DPY19L3: variants seen among roughly 807,000 people sequenced by gnomAD.
The protein encoded by DPY19L3 is protein C-mannosyl-transferase DPY19L3.
Under a neutral mutation model 92.3 loss-of-function variants are expected in DPY19L3, and 51 were observed. The ratio of observed to expected loss-of-function variants is 0.55; its 90% confidence interval spans 0.44 to 0.70. DPY19L3 has a LOEUF of 0.70. DPY19L3 is among the 30% of genes least tolerant of loss of function. DPY19L3 has a pLI of 0.00. For synonymous variants in DPY19L3, 309 were observed against 315.2 expected (o/e 0.98, Z 0.21); for missense variants, 706 against 855.9 (o/e 0.82, Z 2.18).
chr19:32,419,990 A>C lies in DPY19L3; in HGVS notation c.237+8618A>C, dbSNP rs573108300. On this transcript the variant is annotated intron_variant, in intron 3 of 18. Transcript: ENST00000392250. ...TTCTCCTGCCTCAGCCTCCCGAGTAACTGGGATTACAGGCAGGCACCACCA... is the reference window on the plus strand; with the variant it reads ...TTCTCCTGCCTCAGCCTCCCGAGTACCTGGGATTACAGGCAGGCACCACCA... 9.3e-5 allele frequency among the ~76,000 whole-genome samples: 14 copies of C among 150,362 alleles called. 1 individual carries two copies. Among genetic ancestry groups the C allele is most frequent in the Admixed American group, 9.3e-4 (14 of 15,106 alleles).
chr19:32,471,343 C>T (rs991642306), intron 16 of DPY19L3, among the ~76,000 whole-genome samples: 7 of 152,202 alleles, frequency 4.6e-5, no homozygotes, highest in Non-Finnish European at 7.3e-5. Context: ...CCCAGACAGT[C>T]AAAGCAGACA....
chr19:32,415,641 T>G (rs1394105732), intron 3 of DPY19L3, among the ~76,000 whole-genome samples: 1 of 152,184 alleles, frequency 6.6e-6, no homozygotes, highest in African/African-American at 2.4e-5. Flanking sequence ...GAAAATGGAT[T>G]TGGGGAGAGC....
intron 16 of DPY19L3, among the ~76,000 whole-genome samples, chr19:32,473,638 C>T (rs554177628): frequency 6.6e-6 from 1 of 152,216 alleles, no homozygotes; most frequent in Admixed American, 6.5e-5. Context: ...GTAGCTTTTC[C>T]TTTGGCATTT....
At chr19:32,482,052 T>C (rs1970688325) in intron 18 of DPY19L3, 27 bp from the exon 19 acceptor site, 4 of 1,599,968 alleles carry the variant, frequency 2.5e-6, no homozygotes, top group Non-Finnish European at 2.6e-6. Context: ...TCCCCCCAAA[T>C]TGTATTTGGG....
At chr19:32,475,710 T>A (rs1475844754) in intron 16 of DPY19L3, among the ~76,000 whole-genome samples, 1 of 152,248 alleles carries the variant, frequency 6.6e-6, no homozygotes, top group Non-Finnish European at 1.5e-5. Context: ...AGGAATTCTG[T>A]GCACCTTCAC....
At chr19:32,442,705 G>A (rs1438214529) in intron 8 of DPY19L3, among the ~76,000 whole-genome samples, 2 of 152,146 alleles carry the variant, frequency 1.3e-5, no homozygotes, top group African/African-American at 2.4e-5. Flanking sequence ...TCTAGCAAAA[G>A]GACCAGAAGA....
intron 1 of DPY19L3, among the ~76,000 whole-genome samples, chr19:32,407,264 T>TCCCCCCCCCCCCCCTACC (rs148363125): frequency 1.2e-5 from 1 of 81,320 alleles, no homozygotes; most frequent in African/African-American, 5.2e-5. Context: ...AGGCTCCTGC[T>TCCCCCCCCCCCCCCTACC]CCCCCCCACC....
Position 32,456,483 on chromosome 19 carries a change from CTGGAGT to C in DPY19L3, c.1089+1444_1089+1449del, listed in dbSNP as rs1304530456. Among the ~76,000 whole-genome samples the C allele has an allele frequency of 2.6e-5, 4 of 151,722 alleles. No homozygotes were observed. In the East Asian group the frequency reaches 5.8e-4, roughly 22 times the overall value. The stretch of plus-strand genomic sequence containing the variant: ...ACAGGATCTCACTGTGCCACCCAGG[CTGGAGT>C]ACAGTGGCACGATCTTGGCTCACGG... On this transcript the variant is annotated intron_variant, in intron 10 of 18. Coordinates refer to ENST00000392250, the MANE Select transcript of DPY19L3 (RefSeq NM_001172774.2).
intron 12 of DPY19L3, among the ~76,000 whole-genome samples, chr19:32,461,468 CTGTT>C (rs981586100): frequency 6.6e-6 from 1 of 152,158 alleles, no homozygotes; most frequent in African/African-American, 2.4e-5. Context: ...CTCCCCTTGT[CTGTT>C]TTATTTTTAT....
chr19:32,464,799 C>G lies in DPY19L3; in HGVS notation c.1614+15C>G, dbSNP rs1257682877. The G allele has an allele frequency of 6.7e-7, 1 of 1,486,042 alleles. No homozygotes were observed. The highest frequency in any genetic ancestry group is 9.1e-7 in the Non-Finnish European group (1 of 1,100,388). The allele number at this position is 1,486,042 out of a possible 1,614,324, so 92.1% of individuals were successfully genotyped here. On this transcript the variant is annotated intron_variant, in intron 15 of 18. Coordinates refer to ENST00000392250, the MANE Select transcript of DPY19L3 (RefSeq NM_001172774.2). ...TATGCTATAAGGTAAGACTGATTTT[C>G]CTCATTCTTGTCATTCATGTATTTA...
intron 3 of DPY19L3, among the ~76,000 whole-genome samples, chr19:32,421,784 C>T (rs947329848): frequency 3.9e-5 from 6 of 152,082 alleles, no homozygotes; most frequent in African/African-American, 1.4e-4. Context: ...GCAGTAGTGG[C>T]AGCCGCTATC....
chr19:32,482,527 C>G lies in DPY19L3; in HGVS notation c.*287C>G, dbSNP rs927314863. The G allele has an allele frequency of 3.5e-6, 1 of 287,180 alleles. No individual in the cohort carries two copies. Among genetic ancestry groups the G allele is most frequent in the African/African-American group, 2.2e-5 (1 of 45,204 alleles). 17.8% of individuals were successfully genotyped at this position (287,180 alleles called of 1,614,324 possible). A position where few individuals can be genotyped will look rare whatever the true frequency, so the allele number is the denominator to read the frequency against. On this transcript the variant is annotated 3_prime_UTR_variant, in exon 19 of 19. Transcript: ENST00000392250. ...GTTGTTGGAGAGAATGATGTGTGTTCCATGGATACCTGGATAGGCACATAA... is the reference window on the plus strand; with the variant it reads ...GTTGTTGGAGAGAATGATGTGTGTTGCATGGATACCTGGATAGGCACATAA...
chr19:32,432,974 T>C (rs1969019430), intron 4 of DPY19L3, among the ~76,000 whole-genome samples, 168 bp downstream of exon 4: 1 of 152,216 alleles, frequency 6.6e-6, no homozygotes, highest in Non-Finnish European at 1.5e-5. Context: ...GAAGAAGTTA[T>C]GTAATACTTT....
In DPY19L3 at chr19:32,410,804, AG is replaced by A. The variant is rs148110710; in HGVS notation, c.104-433del. On this transcript the variant is annotated intron_variant, in intron 2 of 18. Coordinates refer to ENST00000392250, the MANE Select transcript of DPY19L3 (RefSeq NM_001172774.2). ...TCTCAAAAAACAATAATTATTTTTT[AG>A]GTAATCAAGTTTTTAAAATAGCTTT... 4.3e-3 allele frequency among the ~76,000 whole-genome samples: 654 copies of A among 152,342 alleles called. 28 individuals carry two copies. The East Asian group carries it at 0.1, about 24-fold the overall frequency.
chr19:32,460,725 A>G (rs1264294200), intron 12 of DPY19L3, among the ~76,000 whole-genome samples: 1 of 152,152 alleles, frequency 6.6e-6, no homozygotes, highest in Admixed American at 6.5e-5. Context: ...TGTTGGCCAA[A>G]ATGTTATGTG....
At chr19:32,477,470 T>A in intron 16 of DPY19L3, 52 bp from the exon 17 acceptor site, 3 of 1,605,770 alleles carry the variant, frequency 1.9e-6, no homozygotes, top group Non-Finnish European at 1.7e-6. Context: ...TTCTTTGTTG[T>A]CTTTAAGGAT....
In DPY19L3 at chr19:32,468,734, T is replaced by G; in HGVS notation, c.1618T>G (p.Trp540Gly). Residue 540 changes from tryptophan (W) to glycine (G), a missense_variant, in exon 16 of 19, where the codon TGG becomes GGG. Transcript: ENST00000392250. ...LILLYLCYKFWPGMMDELSEL... is the reference protein window; with the variant it reads ...LILLYLCYKFGPGMMDELSEL... ...TTTGTTTTGTTTTTAATTTCAGTTCTGGCCAGGAATGATGGATGAACTCTC... is the reference window on the plus strand; with the variant it reads ...TTTGTTTTGTTTTTAATTTCAGTTCGGGCCAGGAATGATGGATGAACTCTC... 6.2e-7 allele frequency: 1 copy of G among 1,613,782 alleles called. No homozygotes were observed. Among genetic ancestry groups the G allele is most frequent in the Non-Finnish European group, 8.5e-7 (1 of 1,179,846 alleles).
rs541389933 is a variant in DPY19L3, at chr19:32,445,289, A to C, written c.855+5379A>C. Among the ~76,000 whole-genome samples, 4 of 150,592 alleles carry C rather than the reference A, an allele frequency of 2.7e-5. No individual in the cohort carries two copies. In the East Asian group the frequency reaches 7.9e-4, roughly 30 times the overall value. On this transcript the variant is annotated intron_variant, in intron 8 of 18. Coordinates refer to ENST00000392250, the MANE Select transcript of DPY19L3 (RefSeq NM_001172774.2). ...ACCCTGTCTCTACTAAAAATACAAA[A>C]AATTAGCCAGGCATGGTGGCAGGCG...
chr19:32,473,069 A>T (rs796596779), intron 16 of DPY19L3, among the ~76,000 whole-genome samples: 12 of 152,378 alleles, frequency 7.9e-5, no homozygotes, highest in African/African-American at 2.6e-4. Context: ...TATAATGCTC[A>T]GTTTCCCCAT....
Sources: allele counts gnomAD v4.1 joint callset (sites outside exome capture counted in the v4.1 genomes callset), GRCh38; gene constraint gnomAD v4.1.1; transcripts MANE v1.5; gene names NCBI Gene and HGNC (gene_info 2026-07-23, HGNC 2026-07-21).